GALNT9: variants seen among roughly 807,000 people sequenced by gnomAD.
The protein encoded by GALNT9 is GalNAc transferase 9.
In GALNT9, 47 loss-of-function variants were observed where a neutral mutation model predicts 63.1. The ratio of observed to expected loss-of-function variants is 0.75; its 90% confidence interval spans 0.59 to 0.95. The LOEUF (loss-of-function observed/expected upper bound fraction) is 0.95, where lower values mean the gene tolerates loss of function less well. Ranked by LOEUF, GALNT9 falls within the 40% of genes least tolerant of loss-of-function variation. The pLI, the probability that GALNT9 is intolerant of heterozygous loss-of-function variation, is 0.00. For missense variants in GALNT9, 829 were observed against 874.8 expected, an observed-to-expected ratio of 0.95 and a Z score of 0.66; for synonymous variants, 396 against 365.7, an observed-to-expected ratio of 1.08 and a Z score of -0.94.
intron 1 of GALNT9, among the ~76,000 whole-genome samples, chr12:132,314,500 G>A (rs1868412519): frequency 6.6e-6 from 1 of 152,152 alleles, no homozygotes; most frequent in Non-Finnish European, 1.5e-5. Context: ...GCTCAGAGAG[G>A]AGTAGTGACT....
intron 6 of GALNT9, among the ~76,000 whole-genome samples, chr12:132,213,010 A>G (rs1877017487): frequency 6.8e-6 from 1 of 147,140 alleles, no homozygotes; most frequent in Non-Finnish European, 1.5e-5. Flanking sequence ...TGACACGGAA[A>G]CCCCACCCGA....
intron 2 of GALNT9, among the ~76,000 whole-genome samples, chr12:132,285,837 T>G (rs1470839503): frequency 1.3e-5 from 2 of 150,362 alleles, no homozygotes; most frequent in African/African-American, 2.5e-5. Context: ...CACAGAGAGA[T>G]AGAGAAAGAC....
At chr12:132,226,469 C>T (rs1179943414) in intron 6 of GALNT9, among the ~76,000 whole-genome samples, 3 of 150,518 alleles carry the variant, frequency 2.0e-5, no homozygotes, top group Admixed American at 6.6e-5. Context: ...CCACCCCACA[C>T]ACTGTACACA....
chr12:132,197,058 T>C lies in GALNT9; in HGVS notation c.*49A>G, dbSNP rs777970324. On this transcript the variant is annotated 3_prime_UTR_variant, in exon 11 of 11. Transcript: ENST00000328957. ...ACCCCGGTCACTCAGCCACACTGGC[T>C]CGGCCCAGCGCCTTCCCGAGGTCTG... The C allele has an allele frequency of 5.0e-6, 8 of 1,602,616 alleles. No homozygotes were observed. The Admixed American group carries it at 1.3e-4, about 27-fold the overall frequency.
chr12:132,207,251 C>T (rs1465748572), intron 6 of GALNT9, among the ~76,000 whole-genome samples: 3 of 152,320 alleles, frequency 2.0e-5, no homozygotes, highest in Middle Eastern at 3.4e-3. Context: ...CCCCATGGCT[C>T]AGCTCCGCAG....
intron 6 of GALNT9, among the ~76,000 whole-genome samples, chr12:132,222,227 G>A (rs1877478857): frequency 6.6e-6 from 1 of 152,170 alleles, no homozygotes; most frequent in African/African-American, 2.4e-5. Flanking sequence ...TCAGAAAGAT[G>A]TTCAGATGGT....
At chr12:132,288,109 C>T (rs999686387) in intron 1 of GALNT9, among the ~76,000 whole-genome samples, 1 of 152,164 alleles carries the variant, frequency 6.6e-6, no homozygotes, top group African/African-American at 2.4e-5. Flanking sequence ...TCTCTCGCGG[C>T]GCCAGCTCCT....
intron 6 of GALNT9, among the ~76,000 whole-genome samples, chr12:132,241,155 C>A (rs1478819059): frequency 1.6e-5 from 2 of 127,982 alleles, no homozygotes; most frequent in Non-Finnish European, 3.3e-5. Flanking sequence ...ATACCCATTA[C>A]ACACACGCCA....
intron 1 of GALNT9, among the ~76,000 whole-genome samples, chr12:132,306,069 C>G (rs1158899605): frequency 6.6e-6 from 1 of 152,208 alleles, no homozygotes; most frequent in Non-Finnish European, 1.5e-5. Context: ...ACAGCAGCGG[C>G]CACCTCACCT....
chr12:132,315,806 C>T lies in GALNT9; in HGVS notation c.238+13160G>A, dbSNP rs1275852389. Among the ~76,000 whole-genome samples, 4 of 152,178 alleles carry T rather than the reference C, an allele frequency of 2.6e-5. No individual in the cohort carries two copies. Among genetic ancestry groups the T allele is most frequent in the Admixed American group, 6.5e-5 (1 of 15,280 alleles). ...TGAGCCACCCACTCATACTCCCCAC[C>T]GCGTCACACAGGGTGTGAGTGACAC... On this transcript the variant is annotated intron_variant, in intron 1 of 10. Transcript: ENST00000328957. The surrounding 1 kb of genome is among the most constrained non-coding windows in gnomAD (Gnocchi z 6.1).
In GALNT9 at chr12:132,327,903, C is replaced by A. The variant is rs1333580794; in HGVS notation, c.238+1063G>T. Among the ~76,000 whole-genome samples the A allele has an allele frequency of 6.6e-6, 1 of 151,818 alleles. No individual in the cohort carries two copies. The highest frequency in any genetic ancestry group is 1.5e-5 in the Non-Finnish European group (1 of 67,980). On this transcript the variant is annotated intron_variant, in intron 1 of 10. Transcript: ENST00000328957. The surrounding 1 kb of genome is among the most constrained non-coding windows in gnomAD (Gnocchi z 4.3). ...AGACCACCCCCCGCCTTTGCCCCCA[C>A]ACACAGCAGGCACATCCGGAGCCCC...
chr12:132,270,959 A>C (rs782529314), intron 2 of GALNT9, among the ~76,000 whole-genome samples: 12 of 151,686 alleles, frequency 7.9e-5, no homozygotes, highest in Non-Finnish European at 1.8e-4. Flanking sequence ...CGAGGGGGAG[A>C]AAGGAGGGAA....
At chr12:132,244,140 GGGCCAAGACAGCCTGCGGTGCCTCCAC>G (rs1878601601) in intron 6 of GALNT9, among the ~76,000 whole-genome samples, 1 of 130,426 alleles carries the variant, frequency 7.7e-6, no homozygotes, top group Non-Finnish European at 1.8e-5. Flanking sequence ...GTGCCTCCAC[GGGCCAAGACAGCCTGCGGTGCCTCCAC>G]GGGCCAAGAG....
At chr12:132,249,711 A>G (rs1555238369) in intron 5 of GALNT9, among the ~76,000 whole-genome samples, 1 of 152,172 alleles carries the variant, frequency 6.6e-6, no homozygotes, top group African/African-American at 2.4e-5. Context: ...CTTTTTTATT[A>G]TTGCTCAGAG....
chr12:132,318,580 C>T (rs1270099471), intron 1 of GALNT9, among the ~76,000 whole-genome samples: 8 of 152,376 alleles, frequency 5.3e-5, no homozygotes, highest in South Asian at 2.1e-4. Flanking sequence ...CGTAGGATCA[C>T]GCAGAGCTGG....
rs540972773 is a variant in GALNT9 at position 132,198,838 on chromosome 12, G to A, written c.1497+336C>T. On this transcript the variant is annotated intron_variant, in intron 9 of 10. Coordinates refer to ENST00000328957, the MANE Select transcript of GALNT9 (RefSeq NM_001122636.2). ...GGCTAATTTTTGTATTTTTTGTAGC[G>A]ACAGGGTTTCGCCACGCTGCCCAGA... 6.6e-5 allele frequency among the ~76,000 whole-genome samples: 10 copies of A among 152,210 alleles called. No individual in the cohort carries two copies. In the East Asian group the frequency reaches 1.2e-3, roughly 18 times the overall value.
At chr12:132,217,503 T>C (rs1472709580) in intron 6 of GALNT9, among the ~76,000 whole-genome samples, 2 of 134,550 alleles carry the variant, frequency 1.5e-5, no homozygotes, top group Admixed American at 1.5e-4. Context: ...TCCCCACCCA[T>C]CCATCCATCC....
At chr12:132,262,328 T>G in intron 3 of GALNT9, 131 bp downstream of exon 3, 1 of 1,251,054 alleles carries the variant, frequency 8.0e-7, no homozygotes, top group Non-Finnish European at 1.1e-6. Context: ...CCCCCATAGG[T>G]TTAGAGCCCC....
At chr12:132,200,539 GTGTT>G (rs1394053118) in intron 8 of GALNT9, 3 of 152,590 alleles carry the variant, frequency 2.0e-5, no homozygotes, top group African/African-American at 7.2e-5. Context: ...AAGGGCCTGT[GTGTT>G]TATCTGTGCA....
Sources: allele counts gnomAD v4.1 joint callset (sites outside exome capture counted in the v4.1 genomes callset), GRCh38; gene constraint gnomAD v4.1.1; non-coding constraint Gnocchi (gnomAD v3.1); transcripts MANE v1.5; gene names NCBI Gene and HGNC (gene_info 2026-07-23, HGNC 2026-07-21).